Variants in CFAP92 observed in about 807,000 individuals in gnomAD.
The protein encoded by CFAP92 is cilia and flagella associated protein 92 (putative).
A neutral mutation model predicts 106.3 loss-of-function variants in CFAP92; 86 were observed. That is an observed-to-expected ratio of 0.81 (90% CI 0.68 to 0.97). CFAP92 has a LOEUF of 0.97. Ranked by LOEUF, CFAP92 falls within the 50% of genes least tolerant of loss-of-function variation. CFAP92 has a pLI of 0.00. For missense variants in CFAP92, 1,204 were observed against 1,283.8 expected (o/e 0.94, Z 0.95); for synonymous variants, 477 against 506.4 (o/e 0.94, Z 0.78).
At chr3:128,968,261 A>G (rs1372617787) in intron 8 of CFAP92, 2 of 152,168 alleles carry the variant, frequency 1.3e-5, no homozygotes, top group Non-Finnish European at 2.9e-5. Context: ...ATGCAATACT[A>G]TCCTTTTAAA....
At chr3:128,921,537 T>C (rs953706466) in intron 12 of CFAP92, among the ~76,000 whole-genome samples, 1 of 152,170 alleles carries the variant, frequency 6.6e-6, no homozygotes, top group Non-Finnish European at 1.5e-5. Flanking sequence ...TATGGCTGGA[T>C]TGAAAGTAGG....
chr3:128,931,609 G>T (rs953936653), intron 12 of CFAP92, among the ~76,000 whole-genome samples: 2 of 151,450 alleles, frequency 1.3e-5, no homozygotes, highest in African/African-American at 2.4e-5. Context: ...GGAGAAAGGT[G>T]TAAGTTTTAA....
chr3:128,963,205 C>T (rs1942084742), intron 9 of CFAP92, among the ~76,000 whole-genome samples: 1 of 152,198 alleles, frequency 6.6e-6, no homozygotes, highest in South Asian at 2.1e-4. Flanking sequence ...ACCTCAATCC[C>T]TTACAAAAGA....
In CFAP92 at chr3:128,987,830, C is replaced by G; in HGVS notation, c.454-1G>C. 2 of 1,599,082 alleles carry G rather than the reference C, an allele frequency of 1.3e-6. No individual in the cohort carries two copies. The highest frequency in any genetic ancestry group is 1.1e-5 in the South Asian group (1 of 89,280). ...CACCTTCGTGCCACGGCTTCACAGT[C>G]TGTGTAAAACAACATTCAGAGATGT... On this transcript the variant is annotated splice_acceptor_variant, in intron 3 of 15. Coordinates refer to ENST00000645291, the MANE Select transcript of CFAP92 (RefSeq NM_001394090.1). LOFTEE classifies it high-confidence loss of function.
At chr3:128,986,740 T>A (rs558717493) in intron 4 of CFAP92, among the ~76,000 whole-genome samples, 3 of 152,192 alleles carry the variant, frequency 2.0e-5, no homozygotes, top group Non-Finnish European at 4.4e-5. Flanking sequence ...GAGAAACGTA[T>A]GTTCAGGAAC....
intron 9 of CFAP92, among the ~76,000 whole-genome samples, chr3:128,963,540 T>C (rs372008277): frequency 3.0e-4 from 46 of 152,210 alleles, no homozygotes; most frequent in East Asian, 7.7e-4. Context: ...GACTTCAATC[T>C]GGCCTCCCAC....
At chr3:129,017,937 G>A in the CFAP92 span, among the ~76,000 whole-genome samples, 1 of 152,188 alleles carries the variant, frequency 6.6e-6, no homozygotes, top group Non-Finnish European at 1.5e-5. Context: ...CCTCAAGGCT[G>A]TACCAGCCAG....
At chr3:128,965,025 G>T (rs373200232) in intron 9 of CFAP92, among the ~76,000 whole-genome samples, 14 of 152,178 alleles carry the variant, frequency 9.2e-5, no homozygotes, top group East Asian at 7.7e-4. Context: ...ACATCCAGAT[G>T]GCCTGAAGTA....
the CFAP92 span, among the ~76,000 whole-genome samples, chr3:129,019,922 C>A: frequency 2.8e-4 from 43 of 151,964 alleles, no homozygotes; most frequent in Non-Finnish European, 5.0e-4. Context: ...GTACCCACCA[C>A]CACGCCCGGC....
intron 12 of CFAP92, among the ~76,000 whole-genome samples, chr3:128,923,624 A>G (rs1559854330): frequency 6.6e-6 from 1 of 152,262 alleles, no homozygotes. Context: ...CAGAGCGACT[A>G]CATTTTGAAT....
chr3:128,990,969 GA>G (rs1019338673), intron 2 of CFAP92, among the ~76,000 whole-genome samples: 21 of 150,700 alleles, frequency 1.4e-4, no homozygotes, highest in Non-Finnish European at 2.4e-4. Context: ...GGTATTGAAG[GA>G]AAAAAAAATT....
At chr3:128,993,452 C>T in intron 1 of CFAP92, 116 bp from the exon 2 acceptor site, 1 of 1,063,400 alleles carries the variant, frequency 9.4e-7, no homozygotes, top group Non-Finnish European at 1.3e-6. Context: ...CCCGCCTGCT[C>T]CTAGATGAAC....
rs1938873152 is a variant in CFAP92, at chr3:128,935,278, T to C, written c.2300A>G (p.Asn767Ser). The C allele has an allele frequency of 5.9e-6, 9 of 1,535,524 alleles. No homozygotes were observed. Among genetic ancestry groups the C allele is most frequent in the Non-Finnish European group, 7.8e-6 (9 of 1,146,532 alleles). Residue 767 changes from asparagine to serine, a missense_variant, in exon 11 of 16, where the codon AAC becomes AGC. Transcript: ENST00000645291. ...CCGGCTGCGGAACAGCAGCTGTGAG[T>C]TGTACAGCACCTTGTATTTCCTGTG... is the stretch of plus-strand genomic sequence containing the variant. ...SEHRKYKVLY[N>S]SQLLFRSRLY...
chr3:128,917,181 A>G (rs1936887984), intron 12 of CFAP92, among the ~76,000 whole-genome samples: 1 of 152,236 alleles, frequency 6.6e-6, no homozygotes, highest in Admixed American at 6.5e-5. Flanking sequence ...GGGATGCCAC[A>G]TAGAGCAAGG....
chr3:128,963,630 C>A (rs1346962074), intron 9 of CFAP92, among the ~76,000 whole-genome samples: 1 of 150,670 alleles, frequency 6.6e-6, no homozygotes, highest in African/African-American at 2.5e-5. Flanking sequence ...CCCCATATTT[C>A]CTTCTTTCCT....
chr3:128,927,504 G>T (rs1460471292), intron 12 of CFAP92, among the ~76,000 whole-genome samples: 1 of 151,326 alleles, frequency 6.6e-6, no homozygotes, highest in East Asian at 2.0e-4. Context: ...GTGGATCAAC[G>T]AGGTCAGGAG....
At chr3:129,002,001 A>G in intron 1 of CFAP92, 5 of 1,545,852 alleles carry the variant, frequency 3.2e-6, no homozygotes, top group Non-Finnish European at 4.4e-6. Flanking sequence ...GGACTCAGAT[A>G]CCGATGAAGA....
chr3:128,939,685 A>G (rs1306137548), intron 10 of CFAP92, among the ~76,000 whole-genome samples: 1 of 151,850 alleles, frequency 6.6e-6, no homozygotes, highest in East Asian at 1.9e-4. Flanking sequence ...TCCCCAACCT[A>G]TTTGGTACCA....
At chr3:128,910,909 T>C in intron 15 of CFAP92, 1 of 1,418,802 alleles carries the variant, frequency 7.0e-7, no homozygotes, top group Non-Finnish European at 9.9e-7. Flanking sequence ...TCCCAGAGCC[T>C]GCTAGCTACT....
Sources: allele counts gnomAD v4.1 joint callset (sites outside exome capture counted in the v4.1 genomes callset), GRCh38; gene constraint gnomAD v4.1.1; transcripts MANE v1.5; gene names NCBI Gene and HGNC (gene_info 2026-07-23, HGNC 2026-07-21).